The following NEK10 variants were observed in gnomAD, a reference collection of about 807,000 sequenced individuals.
NEK10 encodes the protein NIMA related kinase 10, also known as serine/threonine-protein kinase Nek10.
A neutral mutation model predicts 159.8 loss-of-function variants in NEK10; 122 were observed. That is an observed-to-expected ratio of 0.76 (90% CI 0.66 to 0.89). The LOEUF (loss-of-function observed/expected upper bound fraction) is 0.89. NEK10 is among the 40% of genes least tolerant of loss of function. The pLI, the probability that NEK10 is intolerant of heterozygous loss-of-function variation, is 0.00. For missense variants in NEK10, 1,342 were observed against 1,323.1 expected (o/e 1.01, Z -0.22); for synonymous variants, 466 against 457.1 (o/e 1.02, Z -0.25).
intron 22 of NEK10, among the ~76,000 whole-genome samples, chr3:27,276,181 T>C (rs187990964): frequency 1.4e-4 from 21 of 152,124 alleles, no homozygotes; most frequent in African/African-American, 4.8e-4. Flanking sequence ...AATAAAAATA[T>C]TAAGTGCTAT....
chr3:27,149,587 C>T (rs1440356128), intron 30 of NEK10, among the ~76,000 whole-genome samples: 1 of 152,130 alleles, frequency 6.6e-6, no homozygotes, highest in Non-Finnish European at 1.5e-5. Flanking sequence ...ACAAACTGCA[C>T]TCATATAAGA....
chr3:27,323,047 G>C (rs950370455), intron 5 of NEK10, among the ~76,000 whole-genome samples: 13 of 152,112 alleles, frequency 8.5e-5, no homozygotes, highest in Non-Finnish European at 8.8e-5. Context: ...TTTTAGATTA[G>C]TTTCCCCAGA....
At chr3:27,299,806 G>A (rs762260276) in intron 13 of NEK10, among the ~76,000 whole-genome samples, 22 of 152,186 alleles carry the variant, frequency 1.4e-4, no homozygotes, top group Non-Finnish European at 2.8e-4. Context: ...GCTGGATTCT[G>A]GACTTGCTTG....
intron 23 of NEK10, among the ~76,000 whole-genome samples, chr3:27,243,508 C>A (rs962648925): frequency 6.6e-6 from 1 of 152,156 alleles, no homozygotes; most frequent in African/African-American, 2.4e-5. Flanking sequence ...ACCTTGCTAT[C>A]TTTTCTCTTC....
At chr3:27,257,801 T>G (rs964998956) in intron 22 of NEK10, among the ~76,000 whole-genome samples, 3 of 143,996 alleles carry the variant, frequency 2.1e-5, no homozygotes, top group Admixed American at 7.0e-5. Flanking sequence ...TTTTTTTTTT[T>G]TTTTTGAGAC....
At chr3:27,166,730 G>T (rs9819738) in intron 29 of NEK10, among the ~76,000 whole-genome samples, 2 of 151,828 alleles carry the variant, frequency 1.3e-5, no homozygotes, top group Non-Finnish European at 1.5e-5. Context: ...GAGGCCCAGG[G>T]GGGTGGATCA....
At chr3:27,171,294 AGCTGT>A (rs1946961571) in intron 29 of NEK10, among the ~76,000 whole-genome samples, 1 of 152,176 alleles carries the variant, frequency 6.6e-6, no homozygotes, top group Non-Finnish European at 1.5e-5. Context: ...CCTTGCAACT[AGCTGT>A]GGTCATATGA....
Position 27,369,359 on chromosome 3 carries a change from C to T in NEK10, c.-172G>A, listed in dbSNP as rs987083561. 1 of 152,986 alleles carries T rather than the reference C, an allele frequency of 6.5e-6. No homozygotes were observed. Among genetic ancestry groups the T allele is most frequent in the Non-Finnish European group, 1.5e-5 (1 of 68,738 alleles). The allele number at this position is 152,986 out of a possible 1,614,324, so 9.5% of individuals were successfully genotyped here. A position where few individuals can be genotyped will look rare whatever the true frequency, so the allele number is the denominator to read the frequency against. On this transcript the variant is annotated 5_prime_UTR_variant, in exon 1 of 36. Coordinates refer to ENST00000691995, the MANE Select transcript of NEK10 (RefSeq NM_001394966.1). The surrounding 1 kb of genome is among the most constrained non-coding windows in gnomAD (Gnocchi z 4.2). Reference sequence around the variant, plus strand: ...CCTCCCCCCAGCCTATTCCCGGTCCCCTCAACCTCAGGGACACCGCGGCCA... The same window carrying T: ...CCTCCCCCCAGCCTATTCCCGGTCCTCTCAACCTCAGGGACACCGCGGCCA...
rs562495822 is a variant in NEK10 at position 27,107,130 on chromosome 3, T to C, written c.*4142A>G. 1.3e-5 allele frequency among the ~76,000 whole-genome samples: 2 copies of C among 152,274 alleles called. No individual in the cohort carries two copies. The highest frequency in any genetic ancestry group is 1.9e-4 in the East Asian group (1 of 5,188). On this transcript the variant is annotated 3_prime_UTR_variant, in exon 36 of 36. Transcript: ENST00000691995. ...TGTTACATACATGCAATAAAGCATC[T>C]AGTATACCTCACATAGCAAGTATGC...
chr3:27,345,991 G>C, intron 4 of NEK10, 95 bp downstream of exon 4: 3 of 1,167,268 alleles, frequency 2.6e-6, no homozygotes, highest in South Asian at 2.8e-5. Flanking sequence ...ATTTTGAAGC[G>C]GGTTTTAAAT....
intron 5 of NEK10, among the ~76,000 whole-genome samples, chr3:27,322,765 T>C (rs1575743306): frequency 6.6e-6 from 1 of 152,174 alleles, no homozygotes; most frequent in South Asian, 2.1e-4. Flanking sequence ...CCCCCTTTCA[T>C]AGAGTACTTG....
At chr3:27,125,380 G>A (rs1240487483) in intron 32 of NEK10, among the ~76,000 whole-genome samples, 1 of 152,098 alleles carries the variant, frequency 6.6e-6, no homozygotes, top group Non-Finnish European at 1.5e-5. Context: ...GTAGAACTCT[G>A]AAGGAAACTG....
At chr3:27,242,412 G>T (rs1331740866) in intron 23 of NEK10, among the ~76,000 whole-genome samples, 2 of 152,108 alleles carry the variant, frequency 1.3e-5, no homozygotes, top group East Asian at 3.9e-4. Flanking sequence ...ACCCTATGTT[G>T]TAGAAATTAT....
chr3:27,211,437 A>G (rs1951000287), intron 23 of NEK10, among the ~76,000 whole-genome samples: 1 of 152,258 alleles, frequency 6.6e-6, no homozygotes, highest in Admixed American at 6.5e-5. Flanking sequence ...CTGAGTGGAC[A>G]ACCAAATAGT....
intron 22 of NEK10, among the ~76,000 whole-genome samples, chr3:27,270,754 A>G (rs2041271591): frequency 6.6e-6 from 1 of 152,124 alleles, no homozygotes; most frequent in Non-Finnish European, 1.5e-5. Context: ...ATTTGTCACT[A>G]CTTACAAGGT....
chr3:27,107,175 G>A lies in NEK10; in HGVS notation c.*4097C>T, dbSNP rs1282265930. ...GTATGCAGCTGTGATTTTAGGGTACGTGATCTTCATTTTTAAAAACAACTA... is the reference window on the plus strand; with the variant it reads ...GTATGCAGCTGTGATTTTAGGGTACATGATCTTCATTTTTAAAAACAACTA... On this transcript the variant is annotated 3_prime_UTR_variant, in exon 36 of 36. Transcript: ENST00000691995. Among the ~76,000 whole-genome samples the A allele has an allele frequency of 2.0e-5, 3 of 151,944 alleles. No individual in the cohort carries two copies. The highest frequency in any genetic ancestry group is 3.9e-4 in the East Asian group (2 of 5,188).
intron 23 of NEK10, chr3:27,215,568 G>A: frequency 2.1e-6 from 1 of 467,512 alleles, no homozygotes; most frequent in Non-Finnish European, 3.8e-6. Flanking sequence ...TTGGATGTTG[G>A]CAGTTTAAAT....
At chr3:27,274,843 T>C (rs1575551308) in intron 22 of NEK10, among the ~76,000 whole-genome samples, 1 of 152,102 alleles carries the variant, frequency 6.6e-6, no homozygotes, top group South Asian at 2.1e-4. Flanking sequence ...CAAAAATAGG[T>C]ACTACTGCCT....
At chr3:27,201,446 T>C (rs1950031786) in intron 25 of NEK10, 64 bp downstream of exon 25, 3 of 1,330,838 alleles carry the variant, frequency 2.3e-6, no homozygotes, top group Admixed American at 1.9e-5. Flanking sequence ...TAAATAGTGA[T>C]TTATTATAGA....
Sources: allele counts gnomAD v4.1 joint callset (sites outside exome capture counted in the v4.1 genomes callset), GRCh38; gene constraint gnomAD v4.1.1; non-coding constraint Gnocchi (gnomAD v3.1); transcripts MANE v1.5; gene names NCBI Gene and HGNC (gene_info 2026-07-23, HGNC 2026-07-21).